CSMD3: variants seen among roughly 807,000 people sequenced by gnomAD.
CSMD3 encodes the protein CUB and Sushi multiple domains 3, also known as CUB and sushi domain-containing protein 3.
In CSMD3, 177 loss-of-function variants were observed where a neutral mutation model predicts 435.2. The ratio of observed to expected loss-of-function variants is 0.41; its 90% confidence interval spans 0.36 to 0.46. CSMD3 has a LOEUF of 0.46. CSMD3 is among the 20% of genes least tolerant of loss of function. CSMD3 has a pLI of 0.34. For synonymous variants in CSMD3, 1,656 were observed against 1,520.5 expected, an observed-to-expected ratio of 1.09 and a Z score of -2.07; for missense variants, 4,265 against 4,504.6, an observed-to-expected ratio of 0.95 and a Z score of 1.52.
In CSMD3 at chr8:112,434,970, A is replaced by G. The variant is rs536524026; in HGVS notation, c.5396-25938T>C. On this transcript the variant is annotated intron_variant, in intron 32 of 70. Transcript: ENST00000297405. Reference sequence around the variant, plus strand: ...AGAGTAGATCTTCAGTCCATGGTACATCTTGACTGACTGCATACTTTCAGC... The same window carrying G: ...AGAGTAGATCTTCAGTCCATGGTACGTCTTGACTGACTGCATACTTTCAGC... Among the ~76,000 whole-genome samples, 108 of 152,148 alleles carry G rather than the reference A, an allele frequency of 7.1e-4. 1 individual carries two copies. Among genetic ancestry groups the G allele is most frequent in the African/African-American group, 2.5e-3 (103 of 41,556 alleles).
At chr8:112,730,709 CT>C (rs2077056432) in intron 13 of CSMD3, among the ~76,000 whole-genome samples, 1 of 152,056 alleles carries the variant, frequency 6.6e-6, no homozygotes, top group Non-Finnish European at 1.5e-5. Context: ...GACTGTGTAC[CT>C]GCTTAAGAGG....
chr8:112,336,770 C>T lies in CSMD3; in HGVS notation c.6901G>A (p.Asp2301Asn), dbSNP rs776973975. Residue 2301 changes from aspartate (D) to asparagine (N), a missense_variant, in exon 44 of 71, where the codon GAT becomes AAT. Transcript: ENST00000297405. The part of the protein sequence containing the change: ...NGTIYSPGYP[D>N]EYPNFQDCFW... ...CAATCTTGAAAGTTTGGATATTCAT[C>T]AGGATACCCAGGAGAATAAATGGTG... The T allele has an allele frequency of 1.7e-5, 27 of 1,612,900 alleles. No homozygotes were observed. Among genetic ancestry groups the T allele is most frequent in the South Asian group, 3.3e-5 (3 of 91,072 alleles).
chr8:113,422,518 CTG>C (rs2094613525), intron 1 of CSMD3, among the ~76,000 whole-genome samples: 1 of 152,092 alleles, frequency 6.6e-6, no homozygotes, highest in African/African-American at 2.4e-5. Flanking sequence ...CAAACAGAGA[CTG>C]TGTGTTGCAG....
At chr8:113,249,337 C>T (rs937336330) in intron 3 of CSMD3, among the ~76,000 whole-genome samples, 4 of 151,930 alleles carry the variant, frequency 2.6e-5, no homozygotes, top group African/African-American at 7.2e-5. Flanking sequence ...TCTTGGACAG[C>T]TTAGCTTAAG....
rs142614441 is a variant in CSMD3, at chr8:112,901,345, G to T, written c.1633+20282C>A. Among the ~76,000 whole-genome samples, 3 of 151,360 alleles carry T rather than the reference G, an allele frequency of 2.0e-5. No individual in the cohort carries two copies. In the East Asian group the frequency reaches 5.9e-4, roughly 30 times the overall value. ...TTGTCAGTGGGTCCAGGCTGCTACA[G>T]TGGTGCTTTGGCCCTTTTTGGAAGA... On this transcript the variant is annotated intron_variant, in intron 10 of 70. Transcript: ENST00000297405.
chr8:113,164,797 T>G (rs2092118689), intron 4 of CSMD3, among the ~76,000 whole-genome samples: 1 of 152,042 alleles, frequency 6.6e-6, no homozygotes, highest in Non-Finnish European at 1.5e-5. Context: ...AGACCAAAAG[T>G]GTACAAAGTA....
intron 12 of CSMD3, among the ~76,000 whole-genome samples, chr8:112,804,879 G>A (rs2079046941): frequency 1.3e-5 from 2 of 151,980 alleles, no homozygotes; most frequent in Middle Eastern, 3.4e-3. Flanking sequence ...TGACCAGGAT[G>A]GTCTGAGTCT....
At position 112,224,228 on chromosome 8, in the gene CSMD3, C is replaced by A; in HGVS notation, c.*543G>T. ...ATGTCTTCCGAGGCATAAACTAGCT[C>A]ATAAACATTTAAAGTCATAACTCAA... is the stretch of plus-strand genomic sequence containing the variant. On this transcript the variant is annotated 3_prime_UTR_variant, in exon 71 of 71. Transcript: ENST00000297405. The A allele has an allele frequency of 6.4e-6, 1 of 155,552 alleles. No individual in the cohort carries two copies. The highest frequency in any genetic ancestry group is 1.4e-5 in the Non-Finnish European group (1 of 69,874). The allele number at this position is 155,552 out of a possible 1,614,324, so 9.6% of individuals were successfully genotyped here.
intron 5 of CSMD3, 126 bp downstream of exon 5, chr8:113,098,630 T>C: frequency 1.4e-6 from 1 of 691,862 alleles, no homozygotes; most frequent in Non-Finnish European, 2.6e-6. Flanking sequence ...TGACAACCTC[T>C]TCACATAACT....
intron 22 of CSMD3, among the ~76,000 whole-genome samples, chr8:112,624,218 A>G (rs926463882): frequency 1.3e-5 from 2 of 152,122 alleles, no homozygotes; most frequent in Admixed American, 6.6e-5. Context: ...CTAGAAAGAA[A>G]GGTTTCTTAA....
intron 13 of CSMD3, among the ~76,000 whole-genome samples, chr8:112,769,799 C>A (rs993955560): frequency 3.3e-5 from 5 of 151,930 alleles, no homozygotes; most frequent in Admixed American, 2.0e-4. Context: ...TATTTTCCCA[C>A]AATCCATTGA....
rs148076873 is a variant in CSMD3 at position 112,541,206 on chromosome 8, T to G, written c.4564+9465A>C. 3.6e-3 allele frequency among the ~76,000 whole-genome samples: 543 copies of G among 151,906 alleles called. 1 individual carries two copies. Among genetic ancestry groups the G allele is most frequent in the African/African-American group, 0.013 (521 of 41,534 alleles). On this transcript the variant is annotated intron_variant, in intron 27 of 70. Coordinates refer to ENST00000297405, the MANE Select transcript of CSMD3 (RefSeq NM_198123.2). ...GGAAAAATGTCTCAAGTAAATAACC[T>G]AACTTTCTCCTTCAACGAACTAGAA...
At chr8:113,133,849 A>G (rs2091348283) in intron 4 of CSMD3, among the ~76,000 whole-genome samples, 1 of 152,110 alleles carries the variant, frequency 6.6e-6, no homozygotes, top group Admixed American at 6.6e-5. Flanking sequence ...TGAAATAGTC[A>G]AATTAACAGA....
intron 50 of CSMD3, 89 bp from the exon 51 acceptor site, chr8:112,306,281 A>G (rs1821414693): frequency 1.1e-6 from 1 of 914,070 alleles, no homozygotes; most frequent in South Asian, 1.4e-5. Flanking sequence ...AACATGCAAA[A>G]CTAACGGGGA....
intron 4 of CSMD3, among the ~76,000 whole-genome samples, chr8:113,126,774 A>G (rs908637225): frequency 6.6e-6 from 1 of 151,876 alleles, no homozygotes; most frequent in Non-Finnish European, 1.5e-5. Context: ...AAAAAACAGC[A>G]GAGGATTCTG....
chr8:112,577,836 T>C (rs1830058652), intron 23 of CSMD3, among the ~76,000 whole-genome samples: 1 of 152,098 alleles, frequency 6.6e-6, no homozygotes, highest in Non-Finnish European at 1.5e-5. Flanking sequence ...AATGATATGA[T>C]AAATATATAA....
chr8:113,170,813 GA>G (rs1271721301), intron 4 of CSMD3, among the ~76,000 whole-genome samples: 2 of 151,504 alleles, frequency 1.3e-5, no homozygotes, highest in Non-Finnish European at 2.9e-5. Flanking sequence ...CAGCTGAGGA[GA>G]AAAAAAAGTG....
At position 112,255,286 on chromosome 8, in the gene CSMD3, C is replaced by T. The variant is rs1215511339; in HGVS notation, c.10004G>A (p.Gly3335Asp). The T allele has an allele frequency of 2.5e-6, 4 of 1,613,546 alleles. No individual in the cohort carries two copies. The highest frequency in any genetic ancestry group is 2.5e-6 in the Non-Finnish European group (3 of 1,179,656). The change falls in exon 62 of 71, where the codon GGC becomes GAC. Residue 3335 changes from glycine (G) to aspartate (D), a missense_variant. Physicochemically the swap from Gly to Asp is moderately conservative, Grantham distance 94. Around this residue, in one of 3 missense-constraint regions of CSMD3, gnomAD observed 3,255 missense variants for 3,380.2 expected, o/e 0.96. Coordinates refer to ENST00000297405, the MANE Select transcript of CSMD3 (RefSeq NM_198123.2). ...GTGAGGTGATGAACCACTCCAAGTG[C>T]CATCTGCTTGACATATTCTGGTGCT... ...GSSTRICQAD[G>D]TWSGSSPHCI...
At chr8:112,951,625 CTT>C (rs2083814829) in intron 8 of CSMD3, among the ~76,000 whole-genome samples, 1 of 151,666 alleles carries the variant, frequency 6.6e-6, no homozygotes. Flanking sequence ...AGAGTTATCT[CTT>C]AACTAATTTA....
Sources: allele counts gnomAD v4.1 joint callset (sites outside exome capture counted in the v4.1 genomes callset), GRCh38; gene constraint gnomAD v4.1.1; regional missense constraint gnomAD v4.1.1; transcripts MANE v1.5; gene names NCBI Gene and HGNC (gene_info 2026-07-23, HGNC 2026-07-21).